Variants in MROH7 observed in about 807,000 individuals in gnomAD.
MROH7 encodes maestro heat like repeat family member 7, also known as maestro heat-like repeat-containing protein family member 7.
MROH7 carries 113 observed loss-of-function variants against 129.2 expected under a neutral mutation model. The observed-to-expected ratio is 0.87, with a 90% confidence interval of 0.75 to 1.02. The LOEUF is 1.02. MROH7 is among the 50% of genes least tolerant of loss of function. The pLI is 0.00. For synonymous variants in MROH7, 655 were observed against 667.9 expected, an observed-to-expected ratio of 0.98 and a Z score of 0.30; for missense variants, 1,601 against 1,671.3, an observed-to-expected ratio of 0.96 and a Z score of 0.73.
chr1:54,668,239 G>A (rs1212728524), intron 4 of MROH7, among the ~76,000 whole-genome samples: 1 of 152,194 alleles, frequency 6.6e-6, no homozygotes. Flanking sequence ...TTCAAAGCAA[G>A]TTGTAAAATG....
Position 54,679,420 on chromosome 1 carries a change from G to T in MROH7, c.2207G>T (p.Arg736Leu). 6.2e-7 allele frequency: 1 copy of T among 1,613,616 alleles called. No individual in the cohort carries two copies. The highest frequency in any genetic ancestry group is 8.5e-7 in the Non-Finnish European group (1 of 1,179,768). The change falls in exon 12 of 24, where the codon CGC becomes CTC. Residue 736 changes from arginine to leucine, a missense_variant. Transcript: ENST00000421030. The stretch of plus-strand genomic sequence containing the variant: ...CTCAGCTCGGTGCTGGAGTGGTACC[G>T]CCACAGGGCGCTGGAGGTGGTAAGG... ...VMLSSVLEWY[R>L]HRALEVIPEI...
chr1:54,693,143 A>G (rs1227071658), intron 16 of MROH7, among the ~76,000 whole-genome samples: 1 of 152,040 alleles, frequency 6.6e-6, no homozygotes, highest in Non-Finnish European at 1.5e-5. Flanking sequence ...AACAGCTTGA[A>G]CCTGCCTTTT....
intron 3 of MROH7, 125 bp from the exon 4 acceptor site, chr1:54,665,042 T>C: frequency 1.5e-6 from 1 of 652,062 alleles, no homozygotes. Flanking sequence ...AAAAGAAAGC[T>C]CAGTGTGGCT....
chr1:54,706,389 G>T, intron 21 of MROH7, 46 bp from the exon 22 acceptor site: 2 of 1,415,322 alleles, frequency 1.4e-6, no homozygotes, highest in Non-Finnish European at 1.0e-6. Context: ...ATGGGCAATT[G>T]GTTCCTCTGA....
At chr1:54,693,090 G>C (rs1645264881) in intron 16 of MROH7, among the ~76,000 whole-genome samples, 1 of 152,216 alleles carries the variant, frequency 6.6e-6, no homozygotes, top group Admixed American at 6.5e-5. Flanking sequence ...CCAGTGCTTT[G>C]GGTGTTTGAG....
chr1:54,684,500 T>C (rs1423065682), intron 14 of MROH7, among the ~76,000 whole-genome samples: 1 of 152,282 alleles, frequency 6.6e-6, no homozygotes, highest in Non-Finnish European at 1.5e-5. Flanking sequence ...GTGCTTCTTG[T>C]CCAGCAAGCA....
intron 17 of MROH7, among the ~76,000 whole-genome samples, chr1:54,696,095 T>C (rs1260358411): frequency 1.3e-5 from 2 of 152,170 alleles, no homozygotes; most frequent in African/African-American, 2.4e-5. Context: ...CTTCCAAGCA[T>C]GTTCTAAGAG....
intron 18 of MROH7, 131 bp from the exon 19 acceptor site, chr1:54,701,012 G>A (rs1249100636): frequency 3.1e-6 from 3 of 954,556 alleles, no homozygotes; most frequent in East Asian, 2.6e-5. Context: ...CCAGGCAGGT[G>A]GGATGGCATA....
intron 14 of MROH7, among the ~76,000 whole-genome samples, chr1:54,685,890 G>T (rs1466341668): frequency 2.0e-5 from 3 of 152,132 alleles, no homozygotes; most frequent in South Asian, 2.1e-4. Context: ...CCCCCAAGGG[G>T]CTGGTGACCT....
chr1:54,702,631 G>A lies in MROH7; in HGVS notation c.3450G>A (p.Val1150=). 1 of 1,610,944 alleles carries A rather than the reference G, an allele frequency of 6.2e-7. No individual in the cohort carries two copies. ...TTCCTATTGGTTCCCAGAAGTGTGT[G>A]AAGACCCTGTTACGCTGTTCTTACT... The part of the protein sequence containing the change: ...EGNSKVSQKC[V]KTLLRCSYFM... Residue 1150 remains valine, a synonymous_variant, in exon 21 of 24, where the codon GTG becomes GTA. Coordinates refer to ENST00000421030, the MANE Select transcript of MROH7 (RefSeq NM_001039464.4).
chr1:54,681,479 C>T (rs187301768), intron 13 of MROH7, among the ~76,000 whole-genome samples: 41 of 152,294 alleles, frequency 2.7e-4, no homozygotes, highest in Non-Finnish European at 4.3e-4. Context: ...TTTATAGTTC[C>T]TCCCTGTCCA....
rs568753329 is a variant in MROH7 at position 54,653,163 on chromosome 1, C to T, written c.237C>T (p.Asn79=). The T allele has an allele frequency of 2.5e-6, 4 of 1,614,196 alleles. No individual in the cohort carries two copies. The highest frequency in any genetic ancestry group is 1.7e-5 in the Admixed American group (1 of 60,028). The change falls in exon 3 of 24, where the codon AAC becomes AAT. Residue 79 remains asparagine, a synonymous_variant. Transcript: ENST00000421030. ...AGGCCTCAGGCCTGGTGTCTGAAAA[C>T]ACCCCCAGACCTGATGACAGCAGAG... ...SGEASGLVSE[N]TPRPDDSRAI...
At chr1:54,708,445 A>ACAAACAAACAAAC (rs1219608395) in intron 22 of MROH7, among the ~76,000 whole-genome samples, 4 of 108,404 alleles carry the variant, frequency 3.7e-5, no homozygotes, top group African/African-American at 1.5e-4. Context: ...AACAAACAAT[A>ACAAACAAACAAAC]GTGAGGGAAG....
intron 6 of MROH7, 63 bp downstream of exon 6, chr1:54,670,639 C>A: frequency 6.5e-7 from 1 of 1,530,206 alleles, no homozygotes; most frequent in Non-Finnish European, 8.9e-7. Context: ...TTCTGCCTCC[C>A]TCCATCTCTT....
intron 17 of MROH7, chr1:54,695,736 A>T: frequency 1.9e-6 from 1 of 540,194 alleles, no homozygotes; most frequent in Non-Finnish European, 3.4e-6. Flanking sequence ...TTTGCTGGGC[A>T]CCTCTGTGTG....
chr1:54,702,341 T>TG, intron 20 of MROH7, 96 bp downstream of exon 20: 1 of 1,151,862 alleles, frequency 8.7e-7, no homozygotes, highest in Non-Finnish European at 1.2e-6. Context: ...CAAACAATCC[T>TG]GGGGGCAGTT....
Position 54,653,997 on chromosome 1 carries a change from G to A in MROH7, c.1071G>A (p.Gln357=), listed in dbSNP as rs371225882. 1.9e-6 allele frequency: 3 copies of A among 1,614,120 alleles called. No individual in the cohort carries two copies. Among genetic ancestry groups the A allele is most frequent in the East Asian group, 2.2e-5 (1 of 44,894 alleles). ...CCACCTTGACGCTGAGCAGTCAGCA[G>A]GATGATGCCAAGGACAACAGCATCC... is the stretch of plus-strand genomic sequence containing the variant. ...DTSTLTLSSQ[Q]DDAKDNSIHT... The change falls in exon 3 of 24, where the codon CAG becomes CAA. Residue 357 remains glutamine (Q), a synonymous_variant. Transcript: ENST00000421030.
chr1:54,664,047 G>A (rs1194813301), intron 3 of MROH7: 1 of 264,294 alleles, frequency 3.8e-6, no homozygotes, highest in Non-Finnish European at 7.4e-6. Context: ...GACTCTATTG[G>A]TCCTGCCCAG....
chr1:54,691,857 A>ATC (rs377566096), intron 15 of MROH7, among the ~76,000 whole-genome samples: 30 of 114,506 alleles, frequency 2.6e-4, no homozygotes, highest in South Asian at 8.5e-4. Context: ...CCTCTGTCTG[A>ATC]TCTCTCTCTC....
Sources: gnomAD v4.1 joint callset for allele counts (sites outside exome capture counted in the v4.1 genomes callset) on GRCh38, gnomAD v4.1.1 for gene constraint, MANE v1.5 for transcripts, NCBI Gene and HGNC (gene_info 2026-07-23, HGNC 2026-07-21) for gene names.